Variants in CC2D2B observed in about 807,000 individuals in gnomAD.
CC2D2B encodes the protein coiled-coil and C2 domain containing 2B.
Under a neutral mutation model 161.2 loss-of-function variants are expected in CC2D2B, and 128 were observed. The ratio of observed to expected loss-of-function variants is 0.79; its 90% CI spans 0.69 to 0.92. CC2D2B has a LOEUF of 0.92. Ranked by LOEUF, CC2D2B falls within the 40% of genes least tolerant of loss-of-function variation. The pLI, the probability that CC2D2B is intolerant of heterozygous loss-of-function variation, is 0.00. For missense variants in CC2D2B, 1,173 were observed against 1,375.1 expected, an observed-to-expected ratio of 0.85 and a Z score of 2.32; for synonymous variants, 391 against 449.8, an observed-to-expected ratio of 0.87 and a Z score of 1.65.
chr10:95,993,263 G>A (rs1460724787), intron 22 of CC2D2B, among the ~76,000 whole-genome samples: 1 of 152,128 alleles, frequency 6.6e-6, no homozygotes, highest in East Asian at 1.9e-4. Flanking sequence ...CATCACTAGT[G>A]GGTGGGCAAA....
intron 10 of CC2D2B, among the ~76,000 whole-genome samples, chr10:95,951,945 C>T (rs2076415191): frequency 6.6e-6 from 1 of 152,004 alleles, no homozygotes; most frequent in South Asian, 2.1e-4. Flanking sequence ...CTCTAACTCC[C>T]AGTAAATTGT....
At chr10:95,998,500 T>G (rs1360222217) in intron 24 of CC2D2B, among the ~76,000 whole-genome samples, 1 of 152,140 alleles carries the variant, frequency 6.6e-6, no homozygotes, top group Non-Finnish European at 1.5e-5. Flanking sequence ...AGAATGTCAT[T>G]GTGTACATCA....
At chr10:96,023,768 G>A (rs772354589) in intron 32 of CC2D2B, among the ~76,000 whole-genome samples, 22 of 152,200 alleles carry the variant, frequency 1.4e-4, no homozygotes, top group Non-Finnish European at 3.2e-4. Context: ...ACCATGGCAG[G>A]CATCAGAGCC....
rs41291590 is a variant in CC2D2B, at chr10:95,961,859, G to A, written c.1140G>A (p.Arg380=). The A allele has an allele frequency of 5.5e-3, 6,762 of 1,231,506 alleles. 20 individuals carry two copies. Among genetic ancestry groups the A allele is most frequent in the African/African-American group, 6.2e-3 (398 of 64,466 alleles). The allele number at this position is 1,231,506 out of a possible 1,614,324, so 76.3% of individuals were successfully genotyped here. The part of the protein sequence containing the change: ...SNTKQMYDLE[R]GKDLSLLHSI... The stretch of plus-strand genomic sequence containing the variant: ...CAAAACAGATGTATGACTTAGAAAG[G>A]GGAAAGGACCTCTCCCTACTACACA... The change falls in exon 12 of 35, where the codon AGG becomes AGA. Residue 380 remains arginine (R), a synonymous_variant. Transcript: ENST00000646931.
At chr10:95,912,200 T>G (rs1402807957) in intron 2 of CC2D2B, among the ~76,000 whole-genome samples, 1 of 152,114 alleles carries the variant, frequency 6.6e-6, no homozygotes, top group African/African-American at 2.4e-5. Context: ...ATTTCAGGAG[T>G]CTTTGCTATT....
intron 25 of CC2D2B, 105 bp downstream of exon 25, chr10:96,004,353 C>T: frequency 1.6e-6 from 1 of 618,760 alleles, no homozygotes; most frequent in Non-Finnish European, 2.8e-6. Flanking sequence ...GCAATGTCTA[C>T]ATCCAACATT....
intron 9 of CC2D2B, among the ~76,000 whole-genome samples, chr10:95,945,745 T>C (rs2076172714): frequency 6.6e-6 from 1 of 151,510 alleles, no homozygotes; most frequent in Non-Finnish European, 1.5e-5. Flanking sequence ...GGGAGTTTGC[T>C]ACCTCTCAAA....
chr10:95,937,738 G>A (rs1441289139), intron 6 of CC2D2B, among the ~76,000 whole-genome samples: 1 of 152,044 alleles, frequency 6.6e-6, no homozygotes, highest in Non-Finnish European at 1.5e-5. Flanking sequence ...GGGAGGAAGG[G>A]CTATTTCAGC....
intron 2 of CC2D2B, among the ~76,000 whole-genome samples, chr10:95,916,845 G>A (rs2098517216): frequency 6.6e-6 from 1 of 152,150 alleles, no homozygotes; most frequent in Admixed American, 6.6e-5. Context: ...ATGTGGTGAA[G>A]AGAAGAATGT....
At chr10:95,943,498 C>T (rs754434506) in intron 9 of CC2D2B, among the ~76,000 whole-genome samples, 3 of 152,104 alleles carry the variant, frequency 2.0e-5, no homozygotes, top group African/African-American at 7.2e-5. Flanking sequence ...AACTGTACTG[C>T]CACCATATTT....
At chr10:96,029,865 T>C (rs1223618751) in intron 34 of CC2D2B, among the ~76,000 whole-genome samples, 2 of 151,806 alleles carry the variant, frequency 1.3e-5, no homozygotes, top group Non-Finnish European at 2.9e-5. Context: ...GGCTGGAGTA[T>C]AGTGGTGTGA....
chr10:95,946,255 C>T (rs1413534525), intron 9 of CC2D2B, among the ~76,000 whole-genome samples: 1 of 152,130 alleles, frequency 6.6e-6, no homozygotes, highest in African/African-American at 2.4e-5. Context: ...GCTCTCCAGT[C>T]TAAATTGCCT....
intron 5 of CC2D2B, among the ~76,000 whole-genome samples, chr10:95,926,626 TC>T (rs991597020): frequency 5.9e-5 from 9 of 152,016 alleles, no homozygotes; most frequent in Non-Finnish European, 1.2e-4. Flanking sequence ...TTGATTCCTT[TC>T]CCAAGCCTTC....
At chr10:95,926,815 A>AGAGTGTGTGTGT (rs1554828943) in intron 5 of CC2D2B, among the ~76,000 whole-genome samples, 2 of 134,946 alleles carry the variant, frequency 1.5e-5, no homozygotes, top group Non-Finnish European at 3.2e-5. Flanking sequence ...CTGAGGTGGC[A>AGAGTGTGTGTGT]GTGTGTGTGT....
chr10:95,986,702 T>C (rs1008365389), intron 19 of CC2D2B, among the ~76,000 whole-genome samples: 2 of 152,046 alleles, frequency 1.3e-5, no homozygotes, highest in Non-Finnish European at 1.5e-5. Context: ...GTTCAAGTGA[T>C]TCTCATTCCT....
At chr10:95,927,060 A>AT (rs1347928467) in intron 5 of CC2D2B, among the ~76,000 whole-genome samples, 177 bp from the exon 6 acceptor site, 1 of 152,136 alleles carries the variant, frequency 6.6e-6, no homozygotes, top group East Asian at 1.9e-4. Flanking sequence ...CAAAACAAAA[A>AT]TAAAAACTCA....
chr10:96,016,231 G>T lies in CC2D2B; in HGVS notation c.3547G>T (p.Glu1183Ter), dbSNP rs200126356. ...HCISLAIGNKEEHAILLCNFF... is the reference protein window; with the variant it reads ...HCISLAIGNK ...CATCAGTTTAGCTATCGGAAATAAG[G>T]AGGAGCATGCCATCCTTCTCTGTAA... is the stretch of plus-strand genomic sequence containing the variant. The change falls in exon 30 of 35, where the codon GAG (glutamate) becomes TAG (stop). Residue 1183 changes from glutamate (E) to a stop codon, truncating the protein, a stop_gained. Transcript: ENST00000646931. LOFTEE classifies it high-confidence loss of function. 9.4e-5 allele frequency: 152 copies of T among 1,612,412 alleles called. No individual in the cohort carries two copies. In the African/African-American group the frequency reaches 1.8e-3, roughly 20 times the overall value.
In CC2D2B at chr10:95,917,238, T is replaced by C. The variant is rs1177219121; in HGVS notation, c.37-4778T>C. On this transcript the variant is annotated intron_variant, in intron 2 of 34. Transcript: ENST00000646931. ...TTTCCATTTGCATGGACTATCTTTTTTCATCCTTTTCAGTGTTTATGTGTT... is the reference window on the plus strand; with the variant it reads ...TTTCCATTTGCATGGACTATCTTTTCTCATCCTTTTCAGTGTTTATGTGTT... Among the ~76,000 whole-genome samples, 3 of 152,218 alleles carry C rather than the reference T, an allele frequency of 2.0e-5. No individual in the cohort carries two copies. In the East Asian group the frequency reaches 5.8e-4, roughly 29 times the overall value.
intron 28 of CC2D2B, 46 bp downstream of exon 28, chr10:96,012,775 T>A (rs1564670126): frequency 8.4e-7 from 1 of 1,187,484 alleles, no homozygotes; most frequent in East Asian, 2.4e-5. Flanking sequence ...TTAAAGGGCA[T>A]CTGTGAAGAA....
Sources: gnomAD v4.1 joint callset for allele counts (sites outside exome capture counted in the v4.1 genomes callset) on GRCh38, gnomAD v4.1.1 for gene constraint, MANE v1.5 for transcripts, NCBI Gene and HGNC (gene_info 2026-07-23, HGNC 2026-07-21) for gene names.